The following ATP9B variants were observed in gnomAD, a reference collection of about 807,000 sequenced individuals.
ATP9B encodes the protein ATPase phospholipid transporting 9B, also known as probable phospholipid-transporting ATPase IIB.
A neutral mutation model predicts 146.1 loss-of-function variants in ATP9B; 110 were observed. The ratio of observed to expected loss-of-function variants is 0.75; its 90% CI spans 0.65 to 0.88. The LOEUF is 0.88. Ranked by LOEUF, ATP9B falls within the 40% of genes least tolerant of loss-of-function variation. ATP9B has a pLI of 0.00. For synonymous variants in ATP9B, 604 were observed against 569.7 expected, an observed-to-expected ratio of 1.06 and a Z score of -0.86; for missense variants, 1,499 against 1,496.4, an observed-to-expected ratio of 1.00 and a Z score of -0.03.
At chr18:79,201,799 TC>T (rs1390281736) in intron 9 of ATP9B, among the ~76,000 whole-genome samples, 1 of 152,016 alleles carries the variant, frequency 6.6e-6, no homozygotes, top group Non-Finnish European at 1.5e-5. Context: ...GACCTAGTGA[TC>T]CACCCACCTC....
chr18:79,374,100 T>C lies in ATP9B; in HGVS notation c.3273T>C (p.Phe1091=). 1 of 1,614,098 alleles carries C rather than the reference T, an allele frequency of 6.2e-7. No homozygotes were observed. Among genetic ancestry groups the C allele is most frequent in the Non-Finnish European group, 8.5e-7 (1 of 1,179,960 alleles). Reference sequence around the variant, plus strand: ...CACTCGCTTTTCTCAATGAATATTTTGGTAAGTTGCCTTGGAATTGTTTTT... The same window carrying C: ...CACTCGCTTTTCTCAATGAATATTTCGGTAAGTTGCCTTGGAATTGTTTTT... ...VSSLAFLNEY[F]GIGRVSFGAF... is the part of the protein sequence containing the mutation. Residue 1091 remains phenylalanine (F), a splice_region_variant and synonymous_variant, in exon 28 of 30, where the codon TTT becomes TTC. Transcript: ENST00000426216.
chr18:79,084,093 A>G (rs969629134), intron 1 of ATP9B, among the ~76,000 whole-genome samples: 2 of 151,300 alleles, frequency 1.3e-5, no homozygotes, highest in Non-Finnish European at 2.9e-5. Flanking sequence ...TCCGGACTTC[A>G]TGATCCACCC....
At chr18:79,175,826 G>A (rs540446679) in intron 7 of ATP9B, among the ~76,000 whole-genome samples, 26 of 152,096 alleles carry the variant, frequency 1.7e-4, no homozygotes, top group Admixed American at 7.9e-4. Context: ...CCATGCACGC[G>A]CACACACATA....
At chr18:79,150,812 C>T (rs75896908) in intron 6 of ATP9B, among the ~76,000 whole-genome samples, 3,148 of 152,018 alleles carry the variant, frequency 0.021, 102 homozygotes, top group African/African-American at 0.07. Context: ...CAACATAGAC[C>T]AAAATTTAAA....
At chr18:79,312,757 A>G (rs1335752126) in intron 15 of ATP9B, among the ~76,000 whole-genome samples, 1 of 152,182 alleles carries the variant, frequency 6.6e-6, no homozygotes, top group African/African-American at 2.4e-5. Flanking sequence ...CTAGTTTCCT[A>G]TAGTTTAGCA....
intron 1 of ATP9B, among the ~76,000 whole-genome samples, chr18:79,077,053 T>G (rs2072705585): frequency 6.6e-6 from 1 of 152,216 alleles, no homozygotes; most frequent in South Asian, 2.1e-4. Flanking sequence ...ATTGAGACAT[T>G]TTTATGATGT....
chr18:79,137,048 A>G (rs2094456052), intron 5 of ATP9B, among the ~76,000 whole-genome samples: 1 of 152,232 alleles, frequency 6.6e-6, no homozygotes, highest in South Asian at 2.1e-4. Flanking sequence ...ACTACAATTC[A>G]AGATGAGAGT....
In ATP9B at chr18:79,288,556, G is replaced by C. The variant is rs1356038009; in HGVS notation, c.1411+11360G>C. Among the ~76,000 whole-genome samples the C allele has an allele frequency of 4.6e-5, 7 of 151,946 alleles. No homozygotes were observed. The South Asian group carries it at 1.5e-3, about 32-fold the overall frequency. ...TGAATACAGCACACTGATGGGTCTT[G>C]ACTCTTTATCCAATTTGCCAGTCTG... On this transcript the variant is annotated intron_variant, in intron 13 of 29. Coordinates refer to ENST00000426216, the MANE Select transcript of ATP9B (RefSeq NM_198531.5).
chr18:79,078,767 C>G (rs901989059), intron 1 of ATP9B, among the ~76,000 whole-genome samples: 2 of 151,846 alleles, frequency 1.3e-5, no homozygotes, highest in Admixed American at 1.3e-4. Context: ...ACCTATCAAC[C>G]CATCATCTAC....
At chr18:79,338,983 A>C (rs1568744639) in intron 19 of ATP9B, among the ~76,000 whole-genome samples, 1 of 152,236 alleles carries the variant, frequency 6.6e-6, no homozygotes, top group Non-Finnish European at 1.5e-5. Flanking sequence ...GACAGAAAAT[A>C]GGCATCTGTT....
At chr18:79,273,767 A>C (rs2096279430) in intron 12 of ATP9B, among the ~76,000 whole-genome samples, 1 of 152,212 alleles carries the variant, frequency 6.6e-6, no homozygotes, top group African/African-American at 2.4e-5. Flanking sequence ...TTCAGAGTCC[A>C]AGTTACCTCC....
At chr18:79,289,839 C>T (rs2096483878) in intron 13 of ATP9B, among the ~76,000 whole-genome samples, 1 of 152,168 alleles carries the variant, frequency 6.6e-6, no homozygotes. Context: ...CAGACAGGAC[C>T]CTCAGCTGCA....
intron 5 of ATP9B, among the ~76,000 whole-genome samples, chr18:79,129,407 T>G (rs1432004145): frequency 6.6e-6 from 1 of 152,136 alleles, no homozygotes; most frequent in East Asian, 1.9e-4. Context: ...GCAGCACAGT[T>G]GTTAATGGCC....
intron 7 of ATP9B, among the ~76,000 whole-genome samples, chr18:79,160,776 G>GT (rs1360669044): frequency 2.0e-5 from 3 of 151,616 alleles, no homozygotes; most frequent in Admixed American, 6.6e-5. Flanking sequence ...TTGTTTGTTT[G>GT]TTTTTTCTCT....
chr18:79,247,961 T>C (rs920620938), intron 11 of ATP9B, among the ~76,000 whole-genome samples: 1 of 152,226 alleles, frequency 6.6e-6, no homozygotes, highest in Non-Finnish European at 1.5e-5. Flanking sequence ...AGGTTTTGAT[T>C]TTTAAGAACT....
chr18:79,376,317 C>T lies in ATP9B; in HGVS notation c.3307+891C>T. ...AAGCACCACAACTAGTACTTCAGTG[C>T]CTTCACAAATTCTGCCACAGAGTGT... is the stretch of plus-strand genomic sequence containing the variant. On this transcript the variant is annotated intron_variant, in intron 29 of 29. Transcript: ENST00000426216. 3.0e-6 allele frequency: 3 copies of T among 985,320 alleles called. No individual in the cohort carries two copies. In the South Asian group the frequency reaches 1.4e-4, roughly 46 times the overall value. The allele number at this position is 985,320 out of a possible 1,614,324, so 61.0% of individuals were successfully genotyped here.
chr18:79,137,955 T>G (rs1475657399), intron 5 of ATP9B, among the ~76,000 whole-genome samples: 1 of 152,200 alleles, frequency 6.6e-6, no homozygotes, highest in African/African-American at 2.4e-5. Context: ...GGAACTGGAA[T>G]GTAGTAGGTG....
At chr18:79,075,966 C>G (rs536819585) in intron 1 of ATP9B, among the ~76,000 whole-genome samples, 8 of 152,258 alleles carry the variant, frequency 5.3e-5, no homozygotes, top group Non-Finnish European at 1.0e-4. Context: ...CTAGGAATTA[C>G]ATTACATATA....
chr18:79,263,955 G>T (rs556995889), intron 12 of ATP9B, among the ~76,000 whole-genome samples: 1 of 152,232 alleles, frequency 6.6e-6, no homozygotes, highest in South Asian at 2.1e-4. Flanking sequence ...CGTGGTAGCG[G>T]GTGCCTGTAG....
Sources: gnomAD v4.1 joint callset for allele counts (sites outside exome capture counted in the v4.1 genomes callset) on GRCh38, gnomAD v4.1.1 for gene constraint, MANE v1.5 for transcripts, NCBI Gene and HGNC (gene_info 2026-07-23, HGNC 2026-07-21) for gene names.